The following IPO7 variants were observed in gnomAD, a reference collection of about 807,000 sequenced individuals.
IPO7 encodes the protein importin 7.
A neutral mutation model predicts 136.4 loss-of-function variants in IPO7; 13 were observed. The observed-to-expected ratio is 0.10, with a 90% CI of 0.06 to 0.15. The LOEUF is 0.15. Among genes scored for constraint, IPO7 ranks in the 10% least tolerant of loss-of-function variants. IPO7 has a pLI of 1.00. For missense variants in IPO7, 857 were observed against 1,240.6 expected, an observed-to-expected ratio of 0.69 and a Z score of 4.65; for synonymous variants, 403 against 404.4, an observed-to-expected ratio of 1.00 and a Z score of 0.04.
chr11:9,388,987 T>C (rs1043774408), intron 1 of IPO7, among the ~76,000 whole-genome samples: 1 of 152,124 alleles, frequency 6.6e-6, no homozygotes, highest in Non-Finnish European at 1.5e-5. Flanking sequence ...ACTGACTTCC[T>C]GTTATAATAT....
chr11:9,397,341 A>AATATATATAT (rs1398990687), intron 1 of IPO7, among the ~76,000 whole-genome samples: 6 of 10,754 alleles, frequency 5.6e-4, no homozygotes, highest in Non-Finnish European at 1.1e-3. Context: ...TTTAAAAAAA[A>AATATATATAT]ATATATATAT....
At chr11:9,423,559 C>T (rs575406595) in intron 9 of IPO7, among the ~76,000 whole-genome samples, 4 of 152,168 alleles carry the variant, frequency 2.6e-5, no homozygotes, top group South Asian at 2.1e-4. Context: ...TACTTAATTG[C>T]GACCTTTGTA....
At chr11:9,388,734 C>T (rs1365429068) in intron 1 of IPO7, among the ~76,000 whole-genome samples, 5 of 152,100 alleles carry the variant, frequency 3.3e-5, no homozygotes, top group African/African-American at 7.2e-5. Flanking sequence ...CTATGTTACC[C>T]AGGCTGGAGT....
chr11:9,424,821 A>C (rs1855181314), intron 10 of IPO7, 93 bp from the exon 11 acceptor site: 6 of 824,538 alleles, frequency 7.3e-6, no homozygotes, highest in Non-Finnish European at 1.2e-5. Context: ...ATCTGGGATC[A>C]TTTTCATACC....
At position 9,438,077 on chromosome 11, in the gene IPO7, T is replaced by TTTTTTTTG; in HGVS notation, c.2490-3_2490-2insTTTTTTTG. ...TTTTTTTTTTTTTTTTTTTTTTTTT[T>TTTTTTTTG]AGGCTTCATGACAGAAAGATGTGTG... On this transcript the variant is annotated splice_region_variant and splice_polypyrimidine_tract_variant and intron_variant, in intron 21 of 24. Coordinates refer to ENST00000379719, the MANE Select transcript of IPO7 (RefSeq NM_006391.3). 1 of 1,201,300 alleles carries TTTTTTTTG rather than the reference T, an allele frequency of 8.3e-7. No homozygotes were observed. Among genetic ancestry groups the TTTTTTTTG allele is most frequent in the Admixed American group, 2.5e-5 (1 of 40,358 alleles). The allele number at this position is 1,201,300 out of a possible 1,614,324, so 74.4% of individuals were successfully genotyped here.
At chr11:9,420,528 A>G in intron 7 of IPO7, 23 bp downstream of exon 7, 1 of 1,572,338 alleles carries the variant, frequency 6.4e-7, no homozygotes, top group African/African-American at 1.3e-5. Context: ...ATATATGGTG[A>G]TTTAAATTAA....
At chr11:9,439,957 A>G (rs977925772) in intron 22 of IPO7, among the ~76,000 whole-genome samples, 2 of 152,250 alleles carry the variant, frequency 1.3e-5, no homozygotes, top group Admixed American at 1.3e-4. Flanking sequence ...CATCCATCCT[A>G]TCATCTATTA....
chr11:9,445,047 C>G lies in IPO7; in HGVS notation c.3020-50C>G, dbSNP rs757882832. Reference sequence around the variant, plus strand: ...GTTTAATGTTTTGTCAGTTTCTCACCAAGTTAGTAGATGATTGAATGCCCT... The same window carrying G: ...GTTTAATGTTTTGTCAGTTTCTCACGAAGTTAGTAGATGATTGAATGCCCT... On this transcript the variant is annotated intron_variant, in intron 24 of 24. Coordinates refer to ENST00000379719, the MANE Select transcript of IPO7 (RefSeq NM_006391.3). 6 of 1,141,410 alleles carry G rather than the reference C, an allele frequency of 5.3e-6. 1 individual carries two copies. In the South Asian group the frequency reaches 7.4e-5, roughly 14 times the overall value. The allele number at this position is 1,141,410 out of a possible 1,614,324, so 70.7% of individuals were successfully genotyped here.
At chr11:9,395,769 T>G (rs1374922563) in intron 1 of IPO7, among the ~76,000 whole-genome samples, 1 of 152,102 alleles carries the variant, frequency 6.6e-6, no homozygotes, top group Non-Finnish European at 1.5e-5. Flanking sequence ...CAGGCTGAAG[T>G]GCAATGGCGC....
intron 6 of IPO7, among the ~76,000 whole-genome samples, chr11:9,419,882 A>G (rs916941589): frequency 6.6e-6 from 1 of 152,106 alleles, no homozygotes; most frequent in African/African-American, 2.4e-5. Flanking sequence ...TGACTATACT[A>G]TTTAGATCTT....
Position 9,446,342 on chromosome 11 carries a change from T to C in IPO7, c.*1148T>C, listed in dbSNP as rs1855527238. On this transcript the variant is annotated 3_prime_UTR_variant, in exon 25 of 25. Transcript: ENST00000379719. The stretch of plus-strand genomic sequence containing the variant: ...AAATGCACACTTTACAAAATTGATA[T>C]TTAACACTTACCCACTCCCCTTTCC... 2 of 152,170 alleles carry C rather than the reference T, an allele frequency of 1.3e-5. No individual in the cohort carries two copies. Among genetic ancestry groups the C allele is most frequent in the Admixed American group, 1.3e-4 (2 of 15,266 alleles). 9.4% of individuals were successfully genotyped at this position (152,170 alleles called of 1,614,324 possible). A position where few individuals can be genotyped will look rare whatever the true frequency, so the allele number is the denominator to read the frequency against.
intron 2 of IPO7, among the ~76,000 whole-genome samples, chr11:9,404,081 C>A (rs1275209458): frequency 6.6e-6 from 1 of 152,080 alleles, no homozygotes; most frequent in Non-Finnish European, 1.5e-5. Flanking sequence ...ATGGGAAATA[C>A]AAAGTACCAA....
At chr11:9,402,049 G>C (rs1419709395) in intron 1 of IPO7, among the ~76,000 whole-genome samples, 45 of 152,118 alleles carry the variant, frequency 3.0e-4, no homozygotes, top group Admixed American at 2.9e-3. Context: ...CTTAAAAGAG[G>C]AAACAGGTGT....
At chr11:9,426,645 A>G (rs1256508105) in intron 12 of IPO7, among the ~76,000 whole-genome samples, 1 of 152,200 alleles carries the variant, frequency 6.6e-6, no homozygotes, top group East Asian at 1.9e-4. Flanking sequence ...AACGTGAAGC[A>G]TTATGTCTTT....
intron 4 of IPO7, among the ~76,000 whole-genome samples, chr11:9,413,002 C>T (rs1022502784): frequency 6.6e-6 from 1 of 150,686 alleles, no homozygotes; most frequent in African/African-American, 2.4e-5. Flanking sequence ...GCCTCAGCCT[C>T]CCGAGTAGCT....
chr11:9,384,730 C>T lies in IPO7; in HGVS notation c.-34C>T, dbSNP rs747935951. On this transcript the variant is annotated 5_prime_UTR_variant, in exon 1 of 25. Transcript: ENST00000379719. Reference sequence around the variant, plus strand: ...TGGCGCTATTCCTGGCCCAGTAGCACCCGAGCCCCGGGTTTGACCGAGTCC... The same window carrying T: ...TGGCGCTATTCCTGGCCCAGTAGCATCCGAGCCCCGGGTTTGACCGAGTCC... 1 of 1,547,270 alleles carries T rather than the reference C, an allele frequency of 6.5e-7. No homozygotes were observed. The highest frequency in any genetic ancestry group is 1.4e-5 in the African/African-American group (1 of 72,602).
chr11:9,425,895 A>AC lies in IPO7; in HGVS notation c.1335+633_1335+634insC, dbSNP rs569687824. On this transcript the variant is annotated intron_variant, in intron 12 of 24. Coordinates refer to ENST00000379719, the MANE Select transcript of IPO7 (RefSeq NM_006391.3). ...CTCTGTCTCCAAAAAAAAAAAAAAA[A>AC]ATCAGCTGGGCATGGTGGTGGGCAC... Among the ~76,000 whole-genome samples, 56 of 151,194 alleles carry AC rather than the reference A, an allele frequency of 3.7e-4. No homozygotes were observed. In the South Asian group the frequency reaches 0.012, roughly 31 times the overall value.
intron 2 of IPO7, among the ~76,000 whole-genome samples, chr11:9,405,018 T>G (rs1854860642): frequency 6.6e-6 from 1 of 152,182 alleles, no homozygotes; most frequent in Admixed American, 6.5e-5. Context: ...TAGTACAGTG[T>G]AGGTACTCAG....
intron 1 of IPO7, among the ~76,000 whole-genome samples, chr11:9,387,081 C>CT (rs1408076097): frequency 1.3e-5 from 2 of 152,150 alleles, no homozygotes; most frequent in African/African-American, 4.8e-5. Context: ...TCAGACAAGT[C>CT]TTGAATATTG....
Sources: gnomAD v4.1 joint callset for allele counts (sites outside exome capture counted in the v4.1 genomes callset) on GRCh38, gnomAD v4.1.1 for gene constraint, MANE v1.5 for transcripts, NCBI Gene and HGNC (gene_info 2026-07-23, HGNC 2026-07-21) for gene names.